TMED3: variants seen among roughly 807,000 people sequenced by gnomAD.
TMED3 encodes transmembrane p24 trafficking protein 3.
TMED3 carries 9 observed loss-of-function variants against 15.0 expected under a neutral mutation model. That is an observed-to-expected ratio of 0.60 (90% CI 0.36 to 1.04). The LOEUF (loss-of-function observed/expected upper bound fraction) is 1.04, where lower values mean the gene tolerates loss of function less well. Ranked by LOEUF, TMED3 falls within the 50% of genes least tolerant of loss-of-function variation. TMED3 has a pLI of 0.01. For missense variants in TMED3, 267 were observed against 278.9 expected (o/e 0.96, Z 0.30); for synonymous variants, 117 against 121.4 (o/e 0.96, Z 0.24).
At chr15:79,361,019 T>C (rs1307915024) in intron 2 of TMED3, among the ~76,000 whole-genome samples, 1 of 150,850 alleles carries the variant, frequency 6.6e-6, no homozygotes, top group Non-Finnish European at 1.5e-5. Context: ...TGGCTAATTG[T>C]GTTTTATTTT....
chr15:79,413,115 A>G (rs1894015394), exon 3 of TMED3: 1 of 152,244 alleles, frequency 6.6e-6, no homozygotes, highest in Non-Finnish European at 1.5e-5. Flanking sequence ...GTCTGCAAAC[A>G]TGAGAAAGAC....
rs1893889415 is a variant in TMED3, at chr15:79,405,383, T to C, written c.418-6017T>C. 2.0e-5 allele frequency among the ~76,000 whole-genome samples: 3 copies of C among 152,140 alleles called. No individual in the cohort carries two copies. In the South Asian group the frequency reaches 6.2e-4, roughly 31 times the overall value. ...TGAGTGGTGGGAGCTCAATATAAATTGGTGTGAATGCCAGCTTGGACCTAT... is the reference window on the plus strand; with the variant it reads ...TGAGTGGTGGGAGCTCAATATAAATCGGTGTGAATGCCAGCTTGGACCTAT... On this transcript the variant is annotated intron_variant, in intron 2 of 2. Transcript: ENST00000424155.
rs554094311 is a variant in TMED3, at chr15:79,351,988, G to A, written c.417+37983G>A. ...AGGAATGGAAAATCAAACATTATAT[G>A]TTCTTATTCATAAGTGGGAGCTAAG... On this transcript the variant is annotated intron_variant, in intron 2 of 2. Coordinates refer to the TMED3 transcript ENST00000424155. Among the ~76,000 whole-genome samples, 3 of 151,680 alleles carry A rather than the reference G, an allele frequency of 2.0e-5. No homozygotes were observed. The South Asian group carries it at 6.3e-4, about 32-fold the overall frequency.
intron 2 of TMED3, among the ~76,000 whole-genome samples, chr15:79,332,261 A>G (rs974721250): frequency 6.6e-6 from 1 of 152,230 alleles, no homozygotes; most frequent in African/African-American, 2.4e-5. Flanking sequence ...TCATCAATGG[A>G]TAGAATTAAT....
At chr15:79,394,140 G>T (rs914789421) in intron 2 of TMED3, among the ~76,000 whole-genome samples, 7 of 152,022 alleles carry the variant, frequency 4.6e-5, no homozygotes, top group African/African-American at 1.5e-4. Flanking sequence ...CATAGTTGGG[G>T]AGTAGGGGGG....
chr15:79,402,279 C>T (rs775331556), intron 2 of TMED3, among the ~76,000 whole-genome samples: 1 of 152,164 alleles, frequency 6.6e-6, no homozygotes. Flanking sequence ...CCCATGGGTC[C>T]AGTTATCTTA....
At chr15:79,323,778 T>TA (rs1304536166), downstream of TMED3, among the ~76,000 whole-genome samples, 3 of 152,098 alleles carry the variant, frequency 2.0e-5, no homozygotes, top group South Asian at 4.2e-4. Flanking sequence ...CTTTCAACCT[T>TA]AAAAAAAATA....
chr15:79,398,626 T>C (rs1044000345), intron 2 of TMED3, among the ~76,000 whole-genome samples: 10 of 149,912 alleles, frequency 6.7e-5, no homozygotes, highest in African/African-American at 2.2e-4. Context: ...TACTCCACCC[T>C]TTTTTTCTGT....
chr15:79,378,948 T>A (rs941743672), intron 2 of TMED3, among the ~76,000 whole-genome samples: 1 of 152,238 alleles, frequency 6.6e-6, no homozygotes, highest in African/African-American at 2.4e-5. Flanking sequence ...AAAAGTGATA[T>A]ACTTATCTAT....
chr15:79,315,217 G>A (rs578180678), intron 2 of TMED3, among the ~76,000 whole-genome samples: 1 of 152,310 alleles, frequency 6.6e-6, no homozygotes, highest in South Asian at 2.1e-4. Context: ...GCACTGTTCA[G>A]TACAGTAGCC....
At chr15:79,394,236 G>A (rs535182408) in intron 2 of TMED3, among the ~76,000 whole-genome samples, 67 of 152,204 alleles carry the variant, frequency 4.4e-4, no homozygotes, top group African/African-American at 1.5e-3. Flanking sequence ...AAGCTCATTC[G>A]AAAAGGCATA....
chr15:79,339,913 T>C (rs909119514), intron 2 of TMED3, among the ~76,000 whole-genome samples: 1 of 151,394 alleles, frequency 6.6e-6, no homozygotes, highest in African/African-American at 2.4e-5. Context: ...AGGATGGTGA[T>C]GGTGGTGGAG....
In TMED3 at chr15:79,403,903, C is replaced by T. The variant is rs112972741; in HGVS notation, c.418-7497C>T. 5.9e-4 allele frequency among the ~76,000 whole-genome samples: 90 copies of T among 152,270 alleles called. 1 individual carries two copies. Among genetic ancestry groups the T allele is most frequent in the African/African-American group, 1.9e-3 (80 of 41,544 alleles). On this transcript the variant is annotated intron_variant, in intron 2 of 2. Coordinates refer to the TMED3 transcript ENST00000424155. ...TTCTAGATATTGGGGACACTATACC[C>T]GGCATGACCCTTGGTTCATTGTATA...
At chr15:79,398,217 C>A (rs919731302) in intron 2 of TMED3, among the ~76,000 whole-genome samples, 1 of 152,034 alleles carries the variant, frequency 6.6e-6, no homozygotes, top group South Asian at 2.1e-4. Flanking sequence ...TCCAGAATGC[C>A]ATGTAGTTGG....
chr15:79,327,533 C>T (rs2058791769), downstream of TMED3, among the ~76,000 whole-genome samples: 1 of 152,226 alleles, frequency 6.6e-6, no homozygotes, highest in African/African-American at 2.4e-5. Context: ...TGTTCGAGCA[C>T]AGAGACCTGT....
At chr15:79,385,685 G>A (rs1893617742) in intron 2 of TMED3, among the ~76,000 whole-genome samples, 1 of 152,176 alleles carries the variant, frequency 6.6e-6, no homozygotes, top group South Asian at 2.1e-4. Flanking sequence ...AGCACAGGTA[G>A]GCTCAGATCC....
At chr15:79,386,371 C>T (rs920946768) in intron 2 of TMED3, among the ~76,000 whole-genome samples, 1 of 152,178 alleles carries the variant, frequency 6.6e-6, no homozygotes, top group Non-Finnish European at 1.5e-5. Context: ...CTCTCCTCAT[C>T]TCTACCTCAC....
chr15:79,398,186 C>CTG (rs1272175799), intron 2 of TMED3, among the ~76,000 whole-genome samples: 1 of 152,152 alleles, frequency 6.6e-6, no homozygotes, highest in Non-Finnish European at 1.5e-5. Context: ...GATTTCTTTA[C>CTG]TGTCTCCATT....
At chr15:79,368,817 G>A (rs935013380) in intron 2 of TMED3, among the ~76,000 whole-genome samples, 3 of 152,126 alleles carry the variant, frequency 2.0e-5, no homozygotes, top group African/African-American at 7.2e-5. Flanking sequence ...GCTGGGCACA[G>A]TGGCTCACAT....
Sources: allele counts gnomAD v4.1 joint callset (sites outside exome capture counted in the v4.1 genomes callset), GRCh38; gene constraint gnomAD v4.1.1; transcripts MANE v1.5; gene names NCBI Gene and HGNC (gene_info 2026-07-23, HGNC 2026-07-21).